The following STT3B variants were observed in gnomAD, a reference collection of about 807,000 sequenced individuals.
The protein encoded by STT3B is dolichyl-diphosphooligosaccharide--protein glycosyltransferase subunit STT3B.
In STT3B, 29 loss-of-function variants were observed where a neutral mutation model predicts 96.8. That is an observed-to-expected ratio of 0.30 (90% CI 0.22 to 0.41). STT3B has a LOEUF of 0.41. Ranked by LOEUF, STT3B falls within the 10% of genes least tolerant of loss-of-function variation. The pLI, the probability that STT3B is intolerant of heterozygous loss-of-function variation, is 1.00. For missense variants in STT3B, 640 were observed against 1,022.3 expected, an observed-to-expected ratio of 0.63 and a Z score of 5.10; for synonymous variants, 367 against 360.0, an observed-to-expected ratio of 1.02 and a Z score of -0.22.
At chr3:31,613,845 T>C (rs1699241345) in intron 5 of STT3B, among the ~76,000 whole-genome samples, 1 of 151,958 alleles carries the variant, frequency 6.6e-6, no homozygotes, top group Admixed American at 6.6e-5. Context: ...CATTCCAACA[T>C]TAATGTGTTT....
chr3:31,620,604 T>C (rs1325984261), intron 9 of STT3B, among the ~76,000 whole-genome samples: 1 of 152,192 alleles, frequency 6.6e-6, no homozygotes, highest in Non-Finnish European at 1.5e-5. Flanking sequence ...ATACAAAATA[T>C]TTAAATGCCA....
intron 5 of STT3B, among the ~76,000 whole-genome samples, chr3:31,612,676 A>C (rs750048434): frequency 4.6e-5 from 7 of 152,264 alleles, no homozygotes; most frequent in Middle Eastern, 3.4e-3. Flanking sequence ...AATATCTCTG[A>C]GAAGTTGCAG....
At chr3:31,533,582 A>ATGCAGCCGCCGGGAGTGTGGG (rs1248248888) in intron 1 of STT3B, 169 of 269,184 alleles carry the variant, frequency 6.3e-4, no homozygotes, top group African/African-American at 3.4e-3. Context: ...AGGAGTGTGG[A>ATGCAGCCGCCGGGAGTGTGGG]TGCAGCCGCC....
intron 3 of STT3B, among the ~76,000 whole-genome samples, chr3:31,594,865 A>C (rs990608849): frequency 2.0e-5 from 3 of 152,202 alleles, no homozygotes; most frequent in African/African-American, 4.8e-5. Context: ...AAGATCTGGA[A>C]GAGTCCCAAG....
chr3:31,561,189 C>T (rs1175818760), intron 1 of STT3B, among the ~76,000 whole-genome samples: 1 of 150,858 alleles, frequency 6.6e-6, no homozygotes, highest in Non-Finnish European at 1.5e-5. Context: ...TCAGAATTCT[C>T]TTGTATCCTA....
chr3:31,587,423 C>G (rs1002877232), intron 3 of STT3B, among the ~76,000 whole-genome samples: 4 of 151,732 alleles, frequency 2.6e-5, no homozygotes, highest in Non-Finnish European at 5.9e-5. Flanking sequence ...TTAAAATTTT[C>G]AAATTAGATG....
At chr3:31,599,108 C>T (rs997177668) in intron 4 of STT3B, among the ~76,000 whole-genome samples, 1 of 152,184 alleles carries the variant, frequency 6.6e-6, no homozygotes, top group Non-Finnish European at 1.5e-5. Flanking sequence ...TGTGCCCAGC[C>T]ACCTACATAT....
At chr3:31,630,372 A>G (rs748286792) in intron 14 of STT3B, among the ~76,000 whole-genome samples, 2 of 152,142 alleles carry the variant, frequency 1.3e-5, no homozygotes, top group African/African-American at 2.4e-5. Context: ...TCTCCCATAT[A>G]TGTACCCTTC....
intron 1 of STT3B, among the ~76,000 whole-genome samples, chr3:31,541,149 G>C (rs1291718665): frequency 6.6e-6 from 1 of 152,184 alleles, no homozygotes; most frequent in Non-Finnish European, 1.5e-5. Flanking sequence ...GATTTCATTA[G>C]AGGAGAAAAG....
chr3:31,617,167 A>C, intron 7 of STT3B, 92 bp downstream of exon 7: 1 of 1,000,644 alleles, frequency 1.0e-6, no homozygotes, highest in Non-Finnish European at 1.4e-6. Flanking sequence ...TAACAGCATG[A>C]CTACAAAGTG....
intron 5 of STT3B, among the ~76,000 whole-genome samples, chr3:31,613,093 G>A (rs1262364345): frequency 1.3e-5 from 2 of 152,122 alleles, no homozygotes; most frequent in African/African-American, 2.4e-5. Flanking sequence ...TGAGTGTAGG[G>A]TTTTGTTTTG....
intron 9 of STT3B, among the ~76,000 whole-genome samples, chr3:31,620,964 C>T (rs764868966): frequency 6.6e-6 from 1 of 152,232 alleles, no homozygotes; most frequent in African/African-American, 2.4e-5. Context: ...GAAGATTTAA[C>T]TTAAACCTCA....
intron 5 of STT3B, among the ~76,000 whole-genome samples, chr3:31,611,953 G>A (rs1053702670): frequency 1.3e-5 from 2 of 152,128 alleles, no homozygotes; most frequent in African/African-American, 4.8e-5. Flanking sequence ...TTCAAGCAGA[G>A]CAGTCAGTAT....
rs560816306 is a variant in STT3B, at chr3:31,635,475, A to T, written c.2401-509A>T. Among the ~76,000 whole-genome samples the T allele has an allele frequency of 5.4e-4, 82 of 152,302 alleles. 1 individual carries two copies. Among genetic ancestry groups the T allele is most frequent in the African/African-American group, 1.9e-3 (80 of 41,584 alleles). On this transcript the variant is annotated intron_variant, in intron 15 of 15. Transcript: ENST00000295770. Reference sequence around the variant, plus strand: ...TTTTCAATTGCTTATTTTCCTACCTAAAGGATTATTTTTAGAGAATGTGCC... The same window carrying T: ...TTTTCAATTGCTTATTTTCCTACCTTAAGGATTATTTTTAGAGAATGTGCC...
chr3:31,553,627 C>T lies in STT3B; in HGVS notation c.314+20315C>T, dbSNP rs1005704074. On this transcript the variant is annotated intron_variant, in intron 1 of 15. Transcript: ENST00000295770. The stretch of plus-strand genomic sequence containing the variant: ...AAGTGCCTAAAGGTGCATGTGGGAA[C>T]TTTCATCATGAGGGTGATGTTATGC... Among the ~76,000 whole-genome samples, 3 of 152,106 alleles carry T rather than the reference C, an allele frequency of 2.0e-5. No homozygotes were observed. The East Asian group carries it at 5.8e-4, about 29-fold the overall frequency.
At chr3:31,569,517 T>C (rs1698086717) in intron 1 of STT3B, among the ~76,000 whole-genome samples, 1 of 152,194 alleles carries the variant, frequency 6.6e-6, no homozygotes, top group Non-Finnish European at 1.5e-5. Flanking sequence ...TGTTAACTTT[T>C]ATGAAAATTT....
At chr3:31,628,406 G>T (rs910793487) in intron 13 of STT3B, among the ~76,000 whole-genome samples, 1 of 152,078 alleles carries the variant, frequency 6.6e-6, no homozygotes, top group Non-Finnish European at 1.5e-5. Context: ...TTTTGTGTGT[G>T]TGCATGATTT....
intron 1 of STT3B, among the ~76,000 whole-genome samples, chr3:31,541,478 T>A (rs1697263847): frequency 1.3e-5 from 2 of 151,832 alleles, no homozygotes; most frequent in African/African-American, 4.8e-5. Context: ...TTTTGTTTTT[T>A]TTTTTTTTTG....
rs1559391704 is a variant in STT3B, at chr3:31,625,040, T to G, written c.1854T>G (p.Thr618=). The change falls in exon 12 of 16, where the codon ACT becomes ACG. Residue 618 remains threonine (T), a synonymous_variant. Transcript: ENST00000295770. Reference sequence around the variant, plus strand: ...AGATAGCTGGAATGGCTAATAGAACTACGTTGGTGGATAATAACACCTGGA... The same window carrying G: ...AGATAGCTGGAATGGCTAATAGAACGACGTTGGTGGATAATAACACCTGGA... ...GYQIAGMANR[T]TLVDNNTWNN... 1.9e-6 allele frequency: 3 copies of G among 1,613,792 alleles called. No individual in the cohort carries two copies. The highest frequency in any genetic ancestry group is 2.5e-6 in the Non-Finnish European group (3 of 1,179,826).
Sources: allele counts gnomAD v4.1 joint callset (sites outside exome capture counted in the v4.1 genomes callset), GRCh38; gene constraint gnomAD v4.1.1; transcripts MANE v1.5; gene names NCBI Gene and HGNC (gene_info 2026-07-23, HGNC 2026-07-21).